ABR: variants seen among roughly 807,000 people sequenced by gnomAD.
The protein encoded by ABR is ABR activator of RhoGEF and GTPase, also known as active breakpoint cluster region-related protein.
A neutral mutation model predicts 107.2 loss-of-function variants in ABR; 35 were observed. That is an observed-to-expected ratio of 0.33 (90% CI 0.25 to 0.43). The LOEUF (loss-of-function observed/expected upper bound fraction) is 0.43, where lower values mean the gene tolerates loss of function less well. ABR is among the 20% of genes least tolerant of loss of function. The pLI is 1.00. For missense variants in ABR, 815 were observed against 1,115.2 expected (o/e 0.73, Z 3.83); for synonymous variants, 498 against 462.0 (o/e 1.08, Z -1.00).
Position 1,006,024 on chromosome 17 carries a change from G to T in ABR, c.*56C>A. The stretch of plus-strand genomic sequence containing the variant: ...ATTGCAGTCTTTCAAGTCTGAGTTG[G>T]ACCCCAGGCTGGAGGGGCTGGTTCC... On this transcript the variant is annotated 3_prime_UTR_variant, in exon 23 of 23. Coordinates refer to ENST00000302538, the MANE Select transcript of ABR (RefSeq NM_021962.5). 6.9e-7 allele frequency: 1 copy of T among 1,442,952 alleles called. No individual in the cohort carries two copies. Among genetic ancestry groups the T allele is most frequent in the East Asian group, 2.5e-5 (1 of 40,438 alleles). The allele number at this position is 1,442,952 out of a possible 1,614,324, so 89.4% of individuals were successfully genotyped here.
At chr17:1,100,001 G>A (rs978845487) in intron 3 of ABR, among the ~76,000 whole-genome samples, 1 of 151,952 alleles carries the variant, frequency 6.6e-6, no homozygotes, top group Non-Finnish European at 1.5e-5. Context: ...TGGCGTGCAC[G>A]TGCAATTCCA....
intron 2 of ABR, chr17:1,108,789 C>T: frequency 4.7e-6 from 5 of 1,073,178 alleles, no homozygotes; most frequent in South Asian, 1.9e-5. Flanking sequence ...CCCTCTCCCC[C>T]GGGAACAGCT....
intron 2 of ABR, among the ~76,000 whole-genome samples, chr17:1,120,911 A>G (rs2039315633): frequency 6.6e-6 from 1 of 152,194 alleles, no homozygotes; most frequent in Admixed American, 6.5e-5. Context: ...CCAAGAGGCA[A>G]GCAGACAGAG....
chr17:1,040,758 A>G (rs2030272678), intron 16 of ABR, among the ~76,000 whole-genome samples: 1 of 152,194 alleles, frequency 6.6e-6, no homozygotes, highest in African/African-American at 2.4e-5. Flanking sequence ...CCTCACATTC[A>G]GTCCTCTTAC....
chr17:1,114,967 A>T (rs759453045), intron 2 of ABR, among the ~76,000 whole-genome samples: 6 of 152,086 alleles, frequency 3.9e-5, no homozygotes, highest in Non-Finnish European at 7.4e-5. Flanking sequence ...TTGTTACAAA[A>T]CCGACAAAAT....
chr17:1,032,995 C>G (rs1156924285), intron 16 of ABR, among the ~76,000 whole-genome samples: 1 of 152,160 alleles, frequency 6.6e-6, no homozygotes, highest in Non-Finnish European at 1.5e-5. Flanking sequence ...GAGGTGAGGA[C>G]AGGGGGTCAG....
chr17:1,006,121 C>A lies in ABR; in HGVS notation c.2539G>T (p.Glu847Ter). ...AAGTACAGTGTGTTCCGCTTGAGTTCTGCGAAGGAAATGGGGGGGTGCTGC... is the reference window on the plus strand; with the variant it reads ...AAGTACAGTGTGTTCCGCTTGAGTTATGCGAAGGAAATGGGGGGGTGCTGC... ...YLQHPPISFA[E>*]LKRNTLYFST... Residue 847 changes from glutamate (E) to a stop codon, truncating the protein, a stop_gained, in exon 23 of 23, where the codon GAA becomes TAA. Coordinates refer to ENST00000302538, the MANE Select transcript of ABR (RefSeq NM_021962.5). LOFTEE classifies it high-confidence loss of function. 1.9e-6 allele frequency: 3 copies of A among 1,587,900 alleles called. No individual in the cohort carries two copies. The highest frequency in any genetic ancestry group is 2.6e-6 in the Non-Finnish European group (3 of 1,166,902).
At position 1,012,689 on chromosome 17, in the gene ABR, T is replaced by C. The variant is rs1448135482; in HGVS notation, c.1960A>G (p.Lys654Glu). The C allele has an allele frequency of 2.5e-6, 4 of 1,573,514 alleles. No homozygotes were observed. Among genetic ancestry groups the C allele is most frequent in the Non-Finnish European group, 2.6e-6 (3 of 1,157,958 alleles). ...TGGGAGACCCGAGGCAGCACCTACT[T>C]CGTCACCACGCTGATCTTCACACCG... is the stretch of plus-strand genomic sequence containing the variant. ...VFGVKISVVT[K>E]RERSKVPYIV... The change falls in exon 18 of 23, where the codon AAG becomes GAG. Residue 654 changes from lysine to glutamate, a missense_variant and splice_region_variant. Physicochemically the swap from Lys to Glu is moderately conservative, Grantham distance 56 (BLOSUM62 1). Transcript: ENST00000302538.
At chr17:1,024,381 C>A (rs954794589) in intron 16 of ABR, among the ~76,000 whole-genome samples, 1 of 152,246 alleles carries the variant, frequency 6.6e-6, no homozygotes, top group African/African-American at 2.4e-5. Flanking sequence ...CAGGACACCG[C>A]GGGTGAGAGC....
At chr17:1,029,306 CAG>C (rs372187616) in intron 16 of ABR, among the ~76,000 whole-genome samples, 56,286 of 151,566 alleles carry the variant, frequency 0.37, 11,053 homozygotes, top group South Asian at 0.6. Context: ...AGCCCAACCA[CAG>C]GGACCCCCGC....
At chr17:1,141,933 T>G (rs541991164) in intron 1 of ABR, among the ~76,000 whole-genome samples, 1 of 151,942 alleles carries the variant, frequency 6.6e-6, no homozygotes, top group African/African-American at 2.4e-5. Flanking sequence ...TAATTTTGTA[T>G]TTTTAGTAGA....
intron 1 of ABR, among the ~76,000 whole-genome samples, chr17:1,134,179 G>A (rs1047424230): frequency 2.6e-5 from 4 of 152,140 alleles, no homozygotes; most frequent in Admixed American, 6.5e-5. Context: ...TTGGGAGGCT[G>A]AGGCAGGTGG....
intron 3 of ABR, among the ~76,000 whole-genome samples, chr17:1,093,971 A>G (rs577285932): frequency 6.6e-6 from 1 of 152,270 alleles, no homozygotes; most frequent in East Asian, 1.9e-4. Flanking sequence ...GCCGCGCTAG[A>G]AACAACGGCC....
chr17:1,012,422 A>C, intron 18 of ABR: 5 of 679,498 alleles, frequency 7.4e-6, no homozygotes, highest in Non-Finnish European at 1.1e-5. Context: ...CCCGGCTGAC[A>C]GAGCTTCCCG....
chr17:1,093,825 T>G (rs1047759526), intron 3 of ABR, among the ~76,000 whole-genome samples: 1 of 152,162 alleles, frequency 6.6e-6, no homozygotes, highest in African/African-American at 2.4e-5. Context: ...GAACCCATGT[T>G]CACTGGAAGA....
At chr17:1,204,140 GGGGCATTTAAAGACTTAATGTGGGCC>G (rs1259829535) in intron 1 of ABR, among the ~76,000 whole-genome samples, 1 of 152,164 alleles carries the variant, frequency 6.6e-6, no homozygotes, top group Non-Finnish European at 1.5e-5. Flanking sequence ...AGTCCCCAGC[GGGGCATTTAAAGACTTAATGTGGGCC>G]GGGCGCGGTG....
At chr17:1,165,697 A>T (rs1371986463) in intron 1 of ABR, among the ~76,000 whole-genome samples, 1 of 151,840 alleles carries the variant, frequency 6.6e-6, no homozygotes, top group East Asian at 1.9e-4. Context: ...ACGCCCAGCT[A>T]ATTTTTGTAT....
intron 1 of ABR, among the ~76,000 whole-genome samples, chr17:1,199,054 G>GAAA (rs5818787): frequency 2.2e-4 from 28 of 129,864 alleles, no homozygotes; most frequent in East Asian, 1.1e-3. Flanking sequence ...ACTCTGACTC[G>GAAA]AAAAAAAAAA....
intron 1 of ABR, among the ~76,000 whole-genome samples, chr17:1,221,443 A>G (rs2043118467): frequency 6.6e-6 from 1 of 152,234 alleles, no homozygotes; most frequent in Non-Finnish European, 1.5e-5. Context: ...AGAAGCAGAA[A>G]GACTGAAAAG....
Sources: gnomAD v4.1 joint callset for allele counts (sites outside exome capture counted in the v4.1 genomes callset) on GRCh38, gnomAD v4.1.1 for gene constraint, MANE v1.5 for transcripts, NCBI Gene and HGNC (gene_info 2026-07-23, HGNC 2026-07-21) for gene names.